Variants in SATB1 observed in about 807,000 individuals in gnomAD.
SATB1 encodes the protein SATB homeobox 1, also known as DNA-binding protein SATB1.
A neutral mutation model predicts 86.9 loss-of-function variants in SATB1; 11 were observed. The observed-to-expected ratio is 0.13, with a 90% CI of 0.08 to 0.21. The LOEUF (loss-of-function observed/expected upper bound fraction) is 0.21, where lower values mean the gene tolerates loss of function less well. Ranked by LOEUF, SATB1 falls within the 10% of genes least tolerant of loss-of-function variation. The pLI is 1.00. For synonymous variants in SATB1, 357 were observed against 357.2 expected (o/e 1.00, Z 0.01); for missense variants, 551 against 937.6 (o/e 0.59, Z 5.39).
chr3:18,404,118 T>C (rs911015422), intron 5 of SATB1, among the ~76,000 whole-genome samples: 1 of 152,084 alleles, frequency 6.6e-6, no homozygotes, highest in Non-Finnish European at 1.5e-5. Context: ...TATGATATAT[T>C]GACAAGAAAT....
At chr3:18,376,579 T>TGG (rs576672481) in intron 9 of SATB1, among the ~76,000 whole-genome samples, 11 of 106,110 alleles carry the variant, frequency 1.0e-4, no homozygotes, top group Admixed American at 9.2e-4. Context: ...GGCAAGTAGG[T>TGG]GGGGGGGGGG....
chr3:18,363,672 T>C (rs1695033370), intron 9 of SATB1, among the ~76,000 whole-genome samples: 1 of 152,218 alleles, frequency 6.6e-6, no homozygotes, highest in African/African-American at 2.4e-5. Context: ...GAGGGTAATA[T>C]TGGGAGCTGA....
chr3:18,376,132 C>T (rs1695737117), intron 9 of SATB1, among the ~76,000 whole-genome samples: 1 of 152,022 alleles, frequency 6.6e-6, no homozygotes, highest in South Asian at 2.1e-4. Context: ...ACATTATTAG[C>T]CAGTTGCTGC....
At chr3:18,372,962 A>T (rs1695548772) in intron 9 of SATB1, among the ~76,000 whole-genome samples, 1 of 152,204 alleles carries the variant, frequency 6.6e-6, no homozygotes, top group African/African-American at 2.4e-5. Context: ...TAAACTTAAC[A>T]CCAGCAGACT....
At chr3:18,416,611 C>T (rs754945167) in intron 3 of SATB1, among the ~76,000 whole-genome samples, 3 of 152,060 alleles carry the variant, frequency 2.0e-5, no homozygotes, top group Non-Finnish European at 2.9e-5. Flanking sequence ...CTCAAATACG[C>T]TCCTCACTTC....
intron 6 of SATB1, among the ~76,000 whole-genome samples, chr3:18,396,632 G>A (rs1696976639): frequency 6.6e-6 from 1 of 152,108 alleles, no homozygotes; most frequent in South Asian, 2.1e-4. Context: ...TAAAAGTTCA[G>A]AAATGATGCA....
chr3:18,392,628 A>G (rs1696743517), intron 7 of SATB1, among the ~76,000 whole-genome samples: 1 of 151,776 alleles, frequency 6.6e-6, no homozygotes, highest in Non-Finnish European at 1.5e-5. Context: ...ATTTGTGTCT[A>G]TGTCATGATG....
intron 9 of SATB1, among the ~76,000 whole-genome samples, chr3:18,369,886 G>A (rs948295703): frequency 1.3e-5 from 2 of 152,196 alleles, no homozygotes; most frequent in East Asian, 1.9e-4. Context: ...TGATTAAGCC[G>A]GAGTGCCACA....
intron 9 of SATB1, among the ~76,000 whole-genome samples, chr3:18,353,268 C>A (rs897168501): frequency 6.6e-6 from 1 of 152,188 alleles, no homozygotes; most frequent in African/African-American, 2.4e-5. Context: ...TGAAAATGGA[C>A]AACTTACTCT....
chr3:18,394,807 C>G lies in SATB1; in HGVS notation c.861G>C (p.Gln287His). Residue 287 changes from glutamine to histidine, a missense_variant, in exon 7 of 11, where the codon CAG becomes CAC. Gln to His is a conservative substitution (Grantham distance 24). Coordinates refer to ENST00000338745, the MANE Select transcript of SATB1 (RefSeq NM_002971.6). This position sits in a 1 kb window ranked among gnomAD's most constrained non-coding sequence, Gnocchi z 5.9. ...CAGAGGGCTGGCTGCCATGGGAGAG[C>G]TGCGCAGGGGATGGAGGCTGCTCGG... ...NTAEQPPSPA[Q>H]LSHGSQPSVR... The G allele has an allele frequency of 6.2e-7, 1 of 1,614,080 alleles. No individual in the cohort carries two copies. Among genetic ancestry groups the G allele is most frequent in the South Asian group, 1.1e-5 (1 of 91,070 alleles).
chr3:18,440,100 T>C (rs1699197583), upstream of SATB1, among the ~76,000 whole-genome samples: 2 of 152,224 alleles, frequency 1.3e-5, no homozygotes, highest in Admixed American at 6.5e-5. Context: ...TTGAAGTTAT[T>C]ATCTGAGGAA....
intron 4 of SATB1, 59 bp from the exon 5 acceptor site, chr3:18,415,293 A>G (rs1264266450): frequency 2.5e-6 from 4 of 1,598,178 alleles, no homozygotes; most frequent in African/African-American, 2.7e-5. Flanking sequence ...GCTGCAGAAC[A>G]TTCCTTTAAG....
At chr3:18,356,357 C>T (rs6577641) in intron 9 of SATB1, among the ~76,000 whole-genome samples, 104,505 of 148,746 alleles carry the variant, frequency 0.7, 37,488 homozygotes, top group East Asian at 0.91. Context: ...TAAGACTGTA[C>T]GAAATAAATA....
chr3:18,397,806 C>G (rs141909778), intron 5 of SATB1, among the ~76,000 whole-genome samples: 8 of 152,280 alleles, frequency 5.3e-5, no homozygotes, highest in Non-Finnish European at 8.8e-5. Context: ...TTACCAAGAT[C>G]CCAGGGGATT....
chr3:18,397,648 C>A (rs1468158286), intron 5 of SATB1, among the ~76,000 whole-genome samples: 2 of 152,118 alleles, frequency 1.3e-5, no homozygotes, highest in African/African-American at 4.8e-5. Flanking sequence ...CATAAATATA[C>A]GAGACTTCGC....
At position 18,444,674 on chromosome 3, in the gene SATB1, G is replaced by C; in HGVS notation, c.-25+844C>G. 1.0e-6 allele frequency: 1 copy of C among 984,206 alleles called. No homozygotes were observed. The highest frequency in any genetic ancestry group is 1.2e-6 in the Non-Finnish European group (1 of 829,544). The allele number at this position is 984,206 out of a possible 1,614,324, so 61.0% of individuals were successfully genotyped here. On this transcript the variant is annotated intron_variant, in intron 1 of 3. Transcript: ENST00000415069. The surrounding 1 kb of genome is among the most constrained non-coding windows in gnomAD (Gnocchi z 5.1). ...GCCTGAAACCAAGAACGGCTCCCCG[G>C]GCGGGCGCGCCGGCGTCGGACTTCC...
At chr3:18,388,587 T>C (rs1017591928) in intron 7 of SATB1, among the ~76,000 whole-genome samples, 4 of 152,134 alleles carry the variant, frequency 2.6e-5, no homozygotes, top group African/African-American at 9.7e-5. Flanking sequence ...ACTGATCATG[T>C]GTATAAAGAC....
chr3:18,392,713 G>C (rs745489049), intron 7 of SATB1, among the ~76,000 whole-genome samples: 2 of 151,702 alleles, frequency 1.3e-5, no homozygotes, highest in Non-Finnish European at 1.5e-5. Flanking sequence ...TTTTGGCCTA[G>C]TACGGAGAAT....
intron 5 of SATB1, among the ~76,000 whole-genome samples, chr3:18,405,541 T>A (rs2125136949): frequency 6.6e-6 from 1 of 152,164 alleles, no homozygotes; most frequent in Admixed American, 6.6e-5. Context: ...AGACTTTATA[T>A]TACCTCTTTG....
Sources: allele counts gnomAD v4.1 joint callset (sites outside exome capture counted in the v4.1 genomes callset), GRCh38; gene constraint gnomAD v4.1.1; non-coding constraint Gnocchi (gnomAD v3.1); transcripts MANE v1.5; gene names NCBI Gene and HGNC (gene_info 2026-07-23, HGNC 2026-07-21).